Variants in HDAC9 observed in about 807,000 individuals in gnomAD.
HDAC9 encodes histone deacetylase 9, also known as MEF-2 interacting transcription repressor (MITR) protein.
HDAC9 carries 41 observed loss-of-function variants against 139.4 expected under a neutral mutation model. The ratio of observed to expected loss-of-function variants is 0.29; its 90% CI spans 0.23 to 0.38. The LOEUF (loss-of-function observed/expected upper bound fraction) is 0.38. Among genes scored for constraint, HDAC9 ranks in the 10% least tolerant of loss-of-function variants. The probability of loss-of-function intolerance (pLI) is 1.00; values close to 1 mark genes in which losing one functional copy is unlikely to be tolerated. For synonymous variants in HDAC9, 517 were observed against 476.2 expected (o/e 1.09, Z -1.12); for missense variants, 1,147 against 1,297.0 (o/e 0.88, Z 1.78).
chr7:18,965,869 G>A (rs966161141), intron 24 of HDAC9, among the ~76,000 whole-genome samples: 2 of 152,170 alleles, frequency 1.3e-5, no homozygotes, highest in Non-Finnish European at 2.9e-5. Context: ...GAGGTTGTGT[G>A]CACTCAATTA....
At chr7:18,604,199 T>C (rs1834767791) in intron 6 of HDAC9, among the ~76,000 whole-genome samples, 1 of 152,162 alleles carries the variant, frequency 6.6e-6, no homozygotes, top group Non-Finnish European at 1.5e-5. Flanking sequence ...TTATGTCAAA[T>C]ATTTATTCTT....
chr7:18,263,634 A>C (rs538810653), intron 2 of HDAC9, among the ~76,000 whole-genome samples: 1 of 147,458 alleles, frequency 6.8e-6, no homozygotes, highest in South Asian at 2.2e-4. Context: ...TTTGAGACCG[A>C]GTCTTGCTCT....
chr7:18,837,826 G>T (rs1157422413), intron 21 of HDAC9, among the ~76,000 whole-genome samples: 1 of 152,048 alleles, frequency 6.6e-6, no homozygotes, highest in East Asian at 1.9e-4. Flanking sequence ...ATTGTTTTGT[G>T]ATTTAAATGG....
intron 2 of HDAC9, among the ~76,000 whole-genome samples, chr7:18,227,651 A>G (rs1271550817): frequency 6.6e-6 from 1 of 152,194 alleles, no homozygotes; most frequent in Non-Finnish European, 1.5e-5. Flanking sequence ...GGCAAAGGTA[A>G]TCTTGTGCTG....
At chr7:18,101,454 A>G (rs949928368) in intron 1 of HDAC9, among the ~76,000 whole-genome samples, 4 of 152,206 alleles carry the variant, frequency 2.6e-5, no homozygotes, top group African/African-American at 9.6e-5. Flanking sequence ...TTATTTTCTT[A>G]GGCAGGGGGA....
At chr7:18,343,539 A>G (rs1329007318) in intron 1 of HDAC9, among the ~76,000 whole-genome samples, 1 of 151,886 alleles carries the variant, frequency 6.6e-6, no homozygotes, top group Non-Finnish European at 1.5e-5. Flanking sequence ...ATATTGAGAA[A>G]GGGAAGAAGG....
At chr7:18,557,395 C>T (rs977704768) in intron 2 of HDAC9, among the ~76,000 whole-genome samples, 8 of 149,320 alleles carry the variant, frequency 5.4e-5, no homozygotes, top group African/African-American at 2.0e-4. Flanking sequence ...TTTAAAGTCA[C>T]CTCTCCCTAA....
At chr7:18,407,974 A>G (rs1030699676) in intron 1 of HDAC9, among the ~76,000 whole-genome samples, 1 of 152,186 alleles carries the variant, frequency 6.6e-6, no homozygotes, top group Non-Finnish European at 1.5e-5. Flanking sequence ...AGTTCTGGCC[A>G]TATTCAATTG....
rs1007327286 is a variant in HDAC9 at position 18,258,994 on chromosome 7, G to A, written c.25+96645G>A. 7.4e-5 allele frequency among the ~76,000 whole-genome samples: 9 copies of A among 121,022 alleles called. No individual in the cohort carries two copies. The Admixed American group carries it at 9.1e-4, about 12-fold the overall frequency. 79.4% of individuals were successfully genotyped at this position (121,022 alleles called of 152,430 possible). ...TTTTTTTTTTTTTTTTTTTTAAACAGGGTCTCACTCTGTCGTCCAGGCTGG... is the reference window on the plus strand; with the variant it reads ...TTTTTTTTTTTTTTTTTTTTAAACAAGGTCTCACTCTGTCGTCCAGGCTGG... On this transcript the variant is annotated intron_variant, in intron 2 of 12. Coordinates refer to the HDAC9 transcript ENST00000417496.
intron 1 of HDAC9, among the ~76,000 whole-genome samples, chr7:18,290,847 G>A (rs943154201): frequency 2.0e-5 from 3 of 152,188 alleles, no homozygotes; most frequent in Admixed American, 6.5e-5. Flanking sequence ...GCCCGGAATT[G>A]TCAGCAGGGG....
intron 22 of HDAC9, among the ~76,000 whole-genome samples, chr7:18,905,435 CT>C: frequency 6.6e-6 from 1 of 152,254 alleles, no homozygotes; most frequent in East Asian, 1.9e-4. Context: ...CATTTTTCTA[CT>C]TAAGATTGTA....
intron 6 of HDAC9, among the ~76,000 whole-genome samples, chr7:18,620,471 A>G (rs1277323469): frequency 6.6e-6 from 1 of 151,660 alleles, no homozygotes; most frequent in Non-Finnish European, 1.5e-5. Flanking sequence ...AATGAGTAGT[A>G]CTAAAAGTAG....
chr7:18,276,783 A>G (rs1447775350), intron 2 of HDAC9, among the ~76,000 whole-genome samples: 1 of 152,238 alleles, frequency 6.6e-6, no homozygotes, highest in East Asian at 1.9e-4. Context: ...CTAGAAATAA[A>G]GCTTATTCAT....
intron 23 of HDAC9, among the ~76,000 whole-genome samples, chr7:18,946,808 G>T (rs1782436976): frequency 6.6e-6 from 1 of 152,096 alleles, no homozygotes; most frequent in South Asian, 2.1e-4. Context: ...TGATAAACTT[G>T]CTATAATTTA....
chr7:18,205,195 T>G (rs1562745603), intron 2 of HDAC9, among the ~76,000 whole-genome samples: 1 of 152,052 alleles, frequency 6.6e-6, no homozygotes, highest in Non-Finnish European at 1.5e-5. Context: ...TGTTTTAAAT[T>G]TCCCCTTTAT....
intron 21 of HDAC9, among the ~76,000 whole-genome samples, chr7:18,849,768 A>G (rs1057109918): frequency 5.3e-5 from 8 of 152,218 alleles, no homozygotes; most frequent in Non-Finnish European, 8.8e-5. Flanking sequence ...CCATGATGAG[A>G]AAGCACACCC....
intron 1 of HDAC9, among the ~76,000 whole-genome samples, chr7:18,438,558 A>G (rs1380825962): frequency 2.6e-5 from 4 of 152,188 alleles, no homozygotes; most frequent in South Asian, 2.1e-4. Context: ...GAATATATCT[A>G]TACTTTAGAA....
chr7:18,838,415 G>C (rs1029094245), intron 21 of HDAC9, among the ~76,000 whole-genome samples: 4 of 151,990 alleles, frequency 2.6e-5, no homozygotes, highest in African/African-American at 9.7e-5. Context: ...GTTGGAGTCG[G>C]GGGTATTCAT....
At chr7:18,389,495 T>C (rs151289998) in intron 1 of HDAC9, among the ~76,000 whole-genome samples, 1 of 152,284 alleles carries the variant, frequency 6.6e-6, no homozygotes, top group African/African-American at 2.4e-5. Flanking sequence ...CGAGTGCTCA[T>C]GGTCATTCTG....
Sources: gnomAD v4.1 joint callset for allele counts (sites outside exome capture counted in the v4.1 genomes callset) on GRCh38, gnomAD v4.1.1 for gene constraint, MANE v1.5 for transcripts, NCBI Gene and HGNC (gene_info 2026-07-23, HGNC 2026-07-21) for gene names.